CACNG8: variants seen among roughly 807,000 people sequenced by gnomAD.
CACNG8 encodes voltage-dependent calcium channel gamma-8 subunit.
In CACNG8, 5 loss-of-function variants were observed where a neutral mutation model predicts 26.9. The ratio of observed to expected loss-of-function variants is 0.19; its 90% CI spans 0.10 to 0.39. The LOEUF is 0.39. CACNG8 is among the 10% of genes least tolerant of loss of function. The pLI is 1.00. For synonymous variants in CACNG8, 321 were observed against 296.7 expected, an observed-to-expected ratio of 1.08 and a Z score of -0.84; for missense variants, 473 against 609.4, an observed-to-expected ratio of 0.78 and a Z score of 2.36.
intron 1 of CACNG8, among the ~76,000 whole-genome samples, chr19:53,968,090 G>A (rs75852878): frequency 2.0e-5 from 3 of 151,310 alleles, no homozygotes; most frequent in African/African-American, 7.3e-5. Context: ...TTAGAGAAGA[G>A]ACAGTTGGGT....
chr19:53,982,886 G>C lies in CACNG8; in HGVS notation c.*37G>C. The C allele has an allele frequency of 1.6e-6, 2 of 1,214,290 alleles. No individual in the cohort carries two copies. The highest frequency in any genetic ancestry group is 2.1e-6 in the Non-Finnish European group (2 of 973,896). 75.2% of individuals were successfully genotyped at this position (1,214,290 alleles called of 1,614,324 possible). A position where few individuals can be genotyped will look rare whatever the true frequency, so the allele number is the denominator to read the frequency against. On this transcript the variant is annotated 3_prime_UTR_variant, in exon 4 of 4. Coordinates refer to ENST00000270458, the MANE Select transcript of CACNG8 (RefSeq NM_031895.6). This position sits in a 1 kb window ranked among gnomAD's most constrained non-coding sequence, Gnocchi z 8.4. Reference sequence around the variant, plus strand: ...GGGAGCCGAGGGGCGTGTCCGGGGCGCGTGCGCGGGCGCGCGTGCATCGAG... The same window carrying C: ...GGGAGCCGAGGGGCGTGTCCGGGGCCCGTGCGCGGGCGCGCGTGCATCGAG...
At chr19:53,971,182 C>T (rs1163074002) in intron 1 of CACNG8, among the ~76,000 whole-genome samples, 2 of 151,222 alleles carry the variant, frequency 1.3e-5, no homozygotes, top group African/African-American at 4.9e-5. Context: ...ATTCCAGCTA[C>T]TCGGGAGGCT....
At chr19:53,980,637 G>C (rs2069361044) in intron 3 of CACNG8, among the ~76,000 whole-genome samples, 1 of 152,186 alleles carries the variant, frequency 6.6e-6, no homozygotes, top group Non-Finnish European at 1.5e-5. Flanking sequence ...AAGCCAAAGG[G>C]GGAGGGGTTA....
rs1188431505 is a variant in CACNG8, at chr19:53,980,016, C to A, written c.508+9C>A. ...CCTGTTCGTGGCAGCAGGTGAGAGG[C>A]AGAGGGAGGGGGCGACCGGGGCGGC... On this transcript the variant is annotated intron_variant, in intron 3 of 3. Coordinates refer to ENST00000270458, the MANE Select transcript of CACNG8 (RefSeq NM_031895.6). The A allele has an allele frequency of 3.7e-6, 6 of 1,601,956 alleles. No individual in the cohort carries two copies.
At position 53,986,504 on chromosome 19, in the gene CACNG8, C is replaced by G. The variant is rs147056459; in HGVS notation, c.*3655C>G. The G allele has an allele frequency of 6.6e-6, 1 of 152,118 alleles. No homozygotes were observed. Among genetic ancestry groups the G allele is most frequent in the South Asian group, 2.1e-4 (1 of 4,824 alleles). 9.4% of individuals were successfully genotyped at this position (152,118 alleles called of 1,614,324 possible). On this transcript the variant is annotated 3_prime_UTR_variant, in exon 4 of 4. Coordinates refer to ENST00000270458, the MANE Select transcript of CACNG8 (RefSeq NM_031895.6). ...CTGTAATCCCAGCACTTTGGGAGGC[C>G]GAGGCTGGTGGATCACTTGAGGTCA...
intron 2 of CACNG8, 86 bp downstream of exon 2, chr19:53,978,315 T>C: frequency 2.0e-6 from 2 of 1,006,304 alleles, no homozygotes; most frequent in East Asian, 2.6e-5. Flanking sequence ...GAAAAGGCAC[T>C]GGGACTCCGG....
rs767547517 is a variant in CACNG8 at position 53,963,168 on chromosome 19, A to G, written c.26A>G (p.Glu9Gly). ...CTGGAGTCGCTGAAGCGCTGGAACG[A>G]AGAGCGGGGCCTCTGGTGCGAGAAG... The change falls in exon 1 of 4, where the codon GAA becomes GGA. Residue 9 changes from glutamate to glycine, a missense_variant. Physicochemically the swap from Glu to Gly is moderately conservative, Grantham distance 98 (BLOSUM62 -2). Coordinates refer to ENST00000270458, the MANE Select transcript of CACNG8 (RefSeq NM_031895.6). 1 of 1,555,576 alleles carries G rather than the reference A, an allele frequency of 6.4e-7. No individual in the cohort carries two copies. The highest frequency in any genetic ancestry group is 8.7e-7 in the Non-Finnish European group (1 of 1,153,046).
chr19:53,963,356 G>A lies in CACNG8; in HGVS notation c.214G>A (p.Gly72Ser), dbSNP rs1034925737. Residue 72 changes from glycine (G) to serine (S), a missense_variant, in exon 1 of 4, where the codon GGC (glycine) becomes AGC (serine). Physicochemically the swap from Gly to Ser is moderately conservative, Grantham distance 56 (BLOSUM62 0). Transcript: ENST00000270458. ...CGGGACCCCCCACCGCGGGGGCGGC[G>A]GCGCCTCGGAGAAGAAGGACCCCGG... 27 of 1,591,504 alleles carry A rather than the reference G, an allele frequency of 1.7e-5. No homozygotes were observed. The highest frequency in any genetic ancestry group is 2.7e-5 in the African/African-American group (2 of 73,640).
intron 1 of CACNG8, among the ~76,000 whole-genome samples, chr19:53,968,507 C>T (rs778120686): frequency 2.6e-5 from 4 of 151,724 alleles, no homozygotes; most frequent in African/African-American, 7.3e-5. Flanking sequence ...CGGTGGCTCA[C>T]GCCTGTAATT....
chr19:53,982,963 T>C lies in CACNG8; in HGVS notation c.*114T>C, dbSNP rs1409457264. On this transcript the variant is annotated 3_prime_UTR_variant, in exon 4 of 4. Coordinates refer to ENST00000270458, the MANE Select transcript of CACNG8 (RefSeq NM_031895.6). The surrounding 1 kb of genome is among the most constrained non-coding windows in gnomAD (Gnocchi z 8.4). ...TTTCCCCCGTGAGCGCGCTGGAGAC[T>C]GCTGGGCCCGCCCCACGCCCACCCT... 75 of 613,566 alleles carry C rather than the reference T, an allele frequency of 1.2e-4. No individual in the cohort carries two copies. The highest frequency in any genetic ancestry group is 1.6e-4 in the Non-Finnish European group (74 of 454,256). The allele number at this position is 613,566 out of a possible 1,614,324, so 38.0% of individuals were successfully genotyped here. A position where few individuals can be genotyped will look rare whatever the true frequency, so the allele number is the denominator to read the frequency against.
intron 1 of CACNG8, among the ~76,000 whole-genome samples, chr19:53,969,841 C>T (rs1408039987): frequency 6.6e-6 from 1 of 151,742 alleles, no homozygotes; most frequent in Non-Finnish European, 1.5e-5. Flanking sequence ...CTTTAATAAA[C>T]TTGCTTTCAG....
At position 53,963,174 on chromosome 19, in the gene CACNG8, G is replaced by C. The variant is rs1600021789; in HGVS notation, c.32G>C (p.Arg11Pro). The C allele has an allele frequency of 1.3e-6, 2 of 1,566,314 alleles. No individual in the cohort carries two copies. Among genetic ancestry groups the C allele is most frequent in the Non-Finnish European group, 1.7e-6 (2 of 1,158,618 alleles). The change falls in exon 1 of 4, where the codon CGG (arginine) becomes CCG (proline). Residue 11 changes from arginine (R) to proline (P), a missense_variant. Around this residue, in one of 6 missense-constraint regions of CACNG8, gnomAD observed 26 missense variants for 23.8 expected, o/e 1.09. Coordinates refer to ENST00000270458, the MANE Select transcript of CACNG8 (RefSeq NM_031895.6). ...TCGCTGAAGCGCTGGAACGAAGAGCGGGGCCTCTGGTGCGAGAAGGGGGTG... is the reference window on the plus strand; with the variant it reads ...TCGCTGAAGCGCTGGAACGAAGAGCCGGGCCTCTGGTGCGAGAAGGGGGTG...
chr19:53,979,141 G>A (rs764858364), intron 2 of CACNG8, among the ~76,000 whole-genome samples: 7 of 147,090 alleles, frequency 4.8e-5, no homozygotes, highest in Non-Finnish European at 9.0e-5. Flanking sequence ...AGACAGATGA[G>A]GCCAGGGAGA....
chr19:53,964,930 G>T (rs2069263910), intron 1 of CACNG8, among the ~76,000 whole-genome samples: 1 of 152,154 alleles, frequency 6.6e-6, no homozygotes, highest in Admixed American at 6.6e-5. Context: ...GAAATCTCTT[G>T]CTTCTCTTTT....
At chr19:53,968,768 CAAAAAAA>C (rs34461203) in intron 1 of CACNG8, among the ~76,000 whole-genome samples, 1 of 50,304 alleles carries the variant, frequency 2.0e-5, no homozygotes, top group Non-Finnish European at 3.3e-5. Context: ...GACTCTATCT[CAAAAAAA>C]AAAAAAAAAA....
At chr19:53,972,361 CT>C (rs577196456) in intron 1 of CACNG8, among the ~76,000 whole-genome samples, 74 of 106,272 alleles carry the variant, frequency 7.0e-4, no homozygotes, top group African/African-American at 1.3e-3. Context: ...TTCTTCTTTT[CT>C]TTTTTTTTTT....
In CACNG8 at chr19:53,982,304, G is replaced by A; in HGVS notation, c.733G>A (p.Ala245Thr). 6.2e-7 allele frequency: 1 copy of A among 1,602,246 alleles called. No individual in the cohort carries two copies. Among genetic ancestry groups the A allele is most frequent in the Non-Finnish European group, 8.5e-7 (1 of 1,175,558 alleles). ...CCAGTCTCGCTCGGACCTGCTCAAGGCCGGCGGGGGCGCGGGCGGCAGTGG... is the reference window on the plus strand; with the variant it reads ...CCAGTCTCGCTCGGACCTGCTCAAGACCGGCGGGGGCGCGGGCGGCAGTGG... Residue 245 changes from alanine to threonine, a missense_variant, in exon 4 of 4, where the codon GCC becomes ACC. Coordinates refer to ENST00000270458, the MANE Select transcript of CACNG8 (RefSeq NM_031895.6). This position sits in a 1 kb window ranked among gnomAD's most constrained non-coding sequence, Gnocchi z 8.4.
intron 3 of CACNG8, 112 bp downstream of exon 3, chr19:53,980,119 T>C (rs1479091237): frequency 1.6e-6 from 2 of 1,217,232 alleles, no homozygotes; most frequent in Non-Finnish European, 2.2e-6. Flanking sequence ...TGCGCGTTCG[T>C]GTGTCTGCAA....
intron 1 of CACNG8, among the ~76,000 whole-genome samples, chr19:53,970,758 C>G (rs1005399805): frequency 1.4e-4 from 21 of 151,130 alleles, no homozygotes; most frequent in Non-Finnish European, 2.7e-4. Context: ...CATAGGGAGA[C>G]CCCGCCTGTG....
Sources: gnomAD v4.1 joint callset for allele counts (sites outside exome capture counted in the v4.1 genomes callset) on GRCh38, gnomAD v4.1.1 for gene constraint, gnomAD v4.1.1 regional missense constraint, Gnocchi (gnomAD v3.1) non-coding constraint, MANE v1.5 for transcripts, NCBI Gene and HGNC (gene_info 2026-07-23, HGNC 2026-07-21) for gene names.